The following ANKH variants were observed in gnomAD, a reference collection of about 807,000 sequenced individuals.
ANKH encodes the protein mineralization regulator ANKH.
Under a neutral mutation model 49.0 loss-of-function variants are expected in ANKH, and 15 were observed. The observed-to-expected ratio is 0.31, with a 90% CI of 0.20 to 0.47. The LOEUF is 0.47. ANKH is among the 20% of genes least tolerant of loss of function. ANKH has a pLI of 1.00. For synonymous variants in ANKH, 273 were observed against 260.0 expected (o/e 1.05, Z -0.48); for missense variants, 429 against 652.0 (o/e 0.66, Z 3.72).
intron 8 of ANKH, among the ~76,000 whole-genome samples, chr5:14,734,227 G>T (rs781080729): frequency 6.6e-6 from 1 of 151,846 alleles, no homozygotes; most frequent in African/African-American, 2.4e-5. Flanking sequence ...CTGCTCTGCC[G>T]TAATCATTTT....
At chr5:14,796,801 AC>A (rs1740404882) in intron 1 of ANKH, among the ~76,000 whole-genome samples, 1 of 152,166 alleles carries the variant, frequency 6.6e-6, no homozygotes, top group Non-Finnish European at 1.5e-5. Flanking sequence ...TCTAGCCTTT[AC>A]TTAAATGAGT....
At chr5:14,808,328 C>G (rs1740767891) in intron 1 of ANKH, among the ~76,000 whole-genome samples, 1 of 152,078 alleles carries the variant, frequency 6.6e-6, no homozygotes, top group South Asian at 2.1e-4. Context: ...AAGTCTAAGA[C>G]TTTATAAACA....
At chr5:14,813,665 T>C (rs150179932) in intron 1 of ANKH, among the ~76,000 whole-genome samples, 1 of 152,138 alleles carries the variant, frequency 6.6e-6, no homozygotes, top group African/African-American at 2.4e-5. Flanking sequence ...GAGGCTGAGC[T>C]TCACTGGGAC....
chr5:14,806,564 G>T (rs1282542712), intron 1 of ANKH, among the ~76,000 whole-genome samples: 1 of 152,152 alleles, frequency 6.6e-6, no homozygotes, highest in Non-Finnish European at 1.5e-5. Context: ...TGTGGCTGTA[G>T]CTGTGGCAGG....
intron 9 of ANKH, among the ~76,000 whole-genome samples, chr5:14,714,055 G>T (rs550469248): frequency 6.6e-6 from 1 of 152,376 alleles, no homozygotes; most frequent in East Asian, 1.9e-4. Context: ...GTGATGCTGC[G>T]TGAGCAGAAA....
At chr5:14,846,940 G>A (rs1020417430) in intron 1 of ANKH, among the ~76,000 whole-genome samples, 4 of 150,054 alleles carry the variant, frequency 2.7e-5, no homozygotes, top group Non-Finnish European at 5.9e-5. Flanking sequence ...CTCAGGAGAC[G>A]GATGTTGCAG....
At chr5:14,871,189 G>C (rs1735809137) in intron 1 of ANKH, 163 bp downstream of exon 1, 1 of 696,012 alleles carries the variant, frequency 1.4e-6, no homozygotes. Flanking sequence ...GAGGGAGGGA[G>C]GGAATGGGGT....
intron 8 of ANKH, among the ~76,000 whole-genome samples, chr5:14,740,066 A>G (rs1267889592): frequency 1.3e-5 from 2 of 152,200 alleles, no homozygotes; most frequent in South Asian, 2.1e-4. Context: ...CTTAAGCCCA[A>G]TCCGGTAAAG....
chr5:14,728,872 C>T (rs530606853), intron 8 of ANKH, among the ~76,000 whole-genome samples: 1 of 152,228 alleles, frequency 6.6e-6, no homozygotes, highest in Non-Finnish European at 1.5e-5. Flanking sequence ...GGTGTGCAAC[C>T]AAGACGGTGG....
intron 1 of ANKH, chr5:14,797,445 T>C (rs1167162330): frequency 6.2e-7 from 1 of 1,611,118 alleles, no homozygotes. Flanking sequence ...CTGGAATATT[T>C]CATCCTTATG....
chr5:14,783,188 T>C (rs947794717), intron 1 of ANKH, among the ~76,000 whole-genome samples: 1 of 152,002 alleles, frequency 6.6e-6, no homozygotes, highest in Non-Finnish European at 1.5e-5. Flanking sequence ...GCTCAGCCCA[T>C]GACCAGTCTC....
intron 1 of ANKH, among the ~76,000 whole-genome samples, chr5:14,852,617 C>A (rs1255737783): frequency 6.6e-6 from 1 of 152,076 alleles, no homozygotes; most frequent in East Asian, 1.9e-4. Context: ...TATTTTGTCA[C>A]CTGGAGTGTA....
rs568804732 is a variant in ANKH at position 14,712,961 on chromosome 5, C to T, written c.1278G>A (p.Ala426=). The change falls in exon 11 of 12, where the codon GCG becomes GCA. Residue 426 remains alanine, a synonymous_variant. Coordinates refer to ENST00000284268, the MANE Select transcript of ANKH (RefSeq NM_054027.6). ...CCAGGAGGGAGCCCACGCCCAGGGTCGCACCGTGCACCCTGCAGATGAGAA... is the reference window on the plus strand; with the variant it reads ...CCAGGAGGGAGCCCACGCCCAGGGTTGCACCGTGCACCCTGCAGATGAGAA... ...VVLPYLGVHG[A]TLGVGSLLAG... 1.7e-5 allele frequency: 28 copies of T among 1,613,072 alleles called. No homozygotes were observed. The highest frequency in any genetic ancestry group is 4.0e-5 in the African/African-American group (3 of 75,044).
At chr5:14,822,588 T>C (rs539670142) in intron 1 of ANKH, among the ~76,000 whole-genome samples, 2 of 152,364 alleles carry the variant, frequency 1.3e-5, no homozygotes, top group African/African-American at 4.8e-5. Flanking sequence ...CCTTCATTTT[T>C]CATGACATAG....
chr5:14,792,995 T>C (rs1456642759), intron 1 of ANKH, among the ~76,000 whole-genome samples: 4 of 77,142 alleles, frequency 5.2e-5, no homozygotes, highest in Non-Finnish European at 9.3e-5. Context: ...TATAAAAATA[T>C]ATATATATAT....
At chr5:14,846,365 A>G (rs917708327) in intron 1 of ANKH, among the ~76,000 whole-genome samples, 5 of 152,162 alleles carry the variant, frequency 3.3e-5, no homozygotes, top group African/African-American at 1.2e-4. Context: ...CTCATTATAG[A>G]GCAGTGGGAA....
chr5:14,705,476 G>A lies in ANKH; in HGVS notation c.*5721C>T, dbSNP rs1438452879. 1.3e-5 allele frequency: 2 copies of A among 152,214 alleles called. No individual in the cohort carries two copies. Among genetic ancestry groups the A allele is most frequent in the Admixed American group, 1.3e-4 (2 of 15,288 alleles). The allele number at this position is 152,214 out of a possible 1,614,324, so 9.4% of individuals were successfully genotyped here. Reference sequence around the variant, plus strand: ...GGACAGATGAGCAAGGTGAGGCCAAGAAGCGTGAGTGATATGGAAGCCTCC... The same window carrying A: ...GGACAGATGAGCAAGGTGAGGCCAAAAAGCGTGAGTGATATGGAAGCCTCC... On this transcript the variant is annotated 3_prime_UTR_variant, in exon 12 of 12. Coordinates refer to ENST00000284268, the MANE Select transcript of ANKH (RefSeq NM_054027.6).
At chr5:14,846,855 A>G (rs891148824) in intron 1 of ANKH, among the ~76,000 whole-genome samples, 1 of 151,778 alleles carries the variant, frequency 6.6e-6, no homozygotes, top group African/African-American at 2.4e-5. Context: ...CACACAAAAA[A>G]AAACTAGCCA....
intron 1 of ANKH, among the ~76,000 whole-genome samples, chr5:14,846,404 T>A (rs563400390): frequency 6.6e-6 from 1 of 152,326 alleles, no homozygotes; most frequent in East Asian, 1.9e-4. Flanking sequence ...GACATTTACT[T>A]GTATCCACCT....
Sources: allele counts gnomAD v4.1 joint callset (sites outside exome capture counted in the v4.1 genomes callset), GRCh38; gene constraint gnomAD v4.1.1; transcripts MANE v1.5; gene names NCBI Gene and HGNC (gene_info 2026-07-23, HGNC 2026-07-21).